Variants in PLEKHM3 observed in about 807,000 individuals in gnomAD.
The protein encoded by PLEKHM3 is pleckstrin homology domain-containing family M member 3.
Under a neutral mutation model 81.8 loss-of-function variants are expected in PLEKHM3, and 45 were observed. The observed-to-expected ratio is 0.55, with a 90% CI of 0.43 to 0.71. The LOEUF (loss-of-function observed/expected upper bound fraction) is 0.71, where lower values mean the gene tolerates loss of function less well. Among genes scored for constraint, PLEKHM3 ranks in the 30% least tolerant of loss-of-function variants. The pLI, the probability that PLEKHM3 is intolerant of heterozygous loss-of-function variation, is 0.00. For missense variants in PLEKHM3, 788 were observed against 924.3 expected, an observed-to-expected ratio of 0.85 and a Z score of 1.91; for synonymous variants, 352 against 356.4, an observed-to-expected ratio of 0.99 and a Z score of 0.14.
chr2:207,885,831 G>A (rs1687869597), intron 6 of PLEKHM3, among the ~76,000 whole-genome samples: 1 of 152,204 alleles, frequency 6.6e-6, no homozygotes, highest in Non-Finnish European at 1.5e-5. Context: ...ATAGACATAA[G>A]AGAGTTTCAT....
At chr2:207,858,172 G>GTATA (rs1245720060) in intron 7 of PLEKHM3, among the ~76,000 whole-genome samples, 4 of 77,370 alleles carry the variant, frequency 5.2e-5, no homozygotes, top group African/African-American at 2.0e-4. Flanking sequence ...GTGTGTGTGT[G>GTATA]TGTATATATT....
intron 3 of PLEKHM3, among the ~76,000 whole-genome samples, chr2:207,948,441 C>T (rs978960524): frequency 6.7e-5 from 10 of 149,314 alleles, no homozygotes; most frequent in Admixed American, 2.7e-4. Flanking sequence ...CTGCAAACTC[C>T]ACCTTCCGGG....
intron 5 of PLEKHM3, among the ~76,000 whole-genome samples, chr2:207,909,097 T>A (rs1688724487): frequency 6.6e-6 from 1 of 152,202 alleles, no homozygotes; most frequent in Non-Finnish European, 1.5e-5. Context: ...GGAGGAGTGA[T>A]ACTGAATATC....
At chr2:207,927,914 A>G (rs1011807286) in intron 5 of PLEKHM3, among the ~76,000 whole-genome samples, 2 of 152,214 alleles carry the variant, frequency 1.3e-5, no homozygotes, top group Non-Finnish European at 2.9e-5. Flanking sequence ...AAATAGTCGT[A>G]TTTCAGAATA....
rs1241387170 is a variant in PLEKHM3, at chr2:207,865,802, AGATATATAT to A, written c.1951-4549_1951-4541del. Among the ~76,000 whole-genome samples the A allele has an allele frequency of 3.6e-3, 147 of 40,928 alleles. 5 individuals carry two copies. The highest frequency in any genetic ancestry group is 0.013 in the East Asian group (19 of 1,424). The allele number at this position is 40,928 out of a possible 152,430, so 26.9% of individuals were successfully genotyped here. On this transcript the variant is annotated intron_variant, in intron 6 of 7. Coordinates refer to ENST00000427836, the MANE Select transcript of PLEKHM3 (RefSeq NM_001080475.3). ...GACTCAAAAAAAAAAAAAAAAAAAAAGATATATATATATATATATATATATATATATATA... is the reference window on the plus strand; with the variant it reads ...GACTCAAAAAAAAAAAAAAAAAAAAAATATATATATATATATATATATATA...
At chr2:207,855,697 C>T (rs1364125503) in intron 7 of PLEKHM3, among the ~76,000 whole-genome samples, 1 of 152,144 alleles carries the variant, frequency 6.6e-6, no homozygotes. Context: ...CCTCCCCAAA[C>T]CCATAAAACC....
At chr2:207,885,890 T>C (rs1339443989) in intron 6 of PLEKHM3, among the ~76,000 whole-genome samples, 1 of 152,178 alleles carries the variant, frequency 6.6e-6, no homozygotes, top group Non-Finnish European at 1.5e-5. Context: ...TTGAGTACAC[T>C]TTAGAAAGAA....
chr2:207,986,761 C>T (rs980631163), intron 2 of PLEKHM3, among the ~76,000 whole-genome samples: 1 of 151,584 alleles, frequency 6.6e-6, no homozygotes, highest in African/African-American at 2.4e-5. Context: ...GCATCAACCT[C>T]CCAGGCTCAA....
At chr2:207,828,534 A>T in intron 7 of PLEKHM3, 38 bp from the exon 8 acceptor site, 1 of 1,595,532 alleles carries the variant, frequency 6.3e-7, no homozygotes, top group South Asian at 1.1e-5. Context: ...AGCAAGACTG[A>T]AGCCAGCAAG....
At chr2:208,018,298 G>A (rs1164470731) in intron 1 of PLEKHM3, among the ~76,000 whole-genome samples, 1 of 150,708 alleles carries the variant, frequency 6.6e-6, no homozygotes, top group Non-Finnish European at 1.5e-5. Context: ...GTTTGAACCT[G>A]GGAGGCGGAA....
chr2:207,864,920 T>C (rs1440376544), intron 6 of PLEKHM3, among the ~76,000 whole-genome samples: 1 of 152,210 alleles, frequency 6.6e-6, no homozygotes, highest in Admixed American at 6.5e-5. Context: ...TATTATTTAG[T>C]TTAAGGTTAA....
At chr2:207,938,930 C>T (rs139090945) in intron 4 of PLEKHM3, among the ~76,000 whole-genome samples, 3 of 152,174 alleles carry the variant, frequency 2.0e-5, no homozygotes, top group South Asian at 2.1e-4. Flanking sequence ...CAAACAGACT[C>T]GGATCTCCTC....
At chr2:207,950,117 G>A (rs556483507) in intron 3 of PLEKHM3, among the ~76,000 whole-genome samples, 2 of 152,258 alleles carry the variant, frequency 1.3e-5, no homozygotes, top group African/African-American at 4.8e-5. Context: ...GGTCCATTCA[G>A]GTTTTAGTTT....
intron 5 of PLEKHM3, among the ~76,000 whole-genome samples, chr2:207,927,467 G>C (rs2105933589): frequency 7.2e-6 from 1 of 138,818 alleles, no homozygotes; most frequent in Middle Eastern, 4.3e-3. Flanking sequence ...AGTGAGCCGA[G>C]ATCATGCCAC....
chr2:207,984,633 G>A (rs190109353), intron 2 of PLEKHM3, among the ~76,000 whole-genome samples: 125 of 152,232 alleles, frequency 8.2e-4, no homozygotes, highest in Non-Finnish European at 1.5e-3. Context: ...CACCCACCTC[G>A]GCCTCCCAAA....
intron 6 of PLEKHM3, among the ~76,000 whole-genome samples, chr2:207,904,958 T>C (rs1688555883): frequency 6.6e-6 from 1 of 152,218 alleles, no homozygotes; most frequent in Non-Finnish European, 1.5e-5. Flanking sequence ...CTATATTATT[T>C]TAAAATTGTC....
chr2:207,943,247 A>T (rs185598976), intron 4 of PLEKHM3, among the ~76,000 whole-genome samples: 129 of 152,364 alleles, frequency 8.5e-4, no homozygotes, highest in Non-Finnish European at 1.5e-3. Flanking sequence ...TGATTTAATT[A>T]TTACACATAG....
At chr2:207,921,432 T>G (rs1689180030) in intron 5 of PLEKHM3, among the ~76,000 whole-genome samples, 1 of 152,216 alleles carries the variant, frequency 6.6e-6, no homozygotes, top group African/African-American at 2.4e-5. Flanking sequence ...ACTAGTTCAG[T>G]ACATTATACA....
chr2:207,924,260 A>C (rs965752106), intron 5 of PLEKHM3, among the ~76,000 whole-genome samples: 6 of 152,132 alleles, frequency 3.9e-5, no homozygotes, highest in Non-Finnish European at 8.8e-5. Context: ...GGGGATGTCC[A>C]GTACGCAGCT....
Sources: allele counts gnomAD v4.1 joint callset (sites outside exome capture counted in the v4.1 genomes callset), GRCh38; gene constraint gnomAD v4.1.1; transcripts MANE v1.5; gene names NCBI Gene and HGNC (gene_info 2026-07-23, HGNC 2026-07-21).